ERLEC1: variants seen among roughly 807,000 people sequenced by gnomAD.
The protein encoded by ERLEC1 is ER lectin.
ERLEC1 carries 47 observed loss-of-function variants against 68.0 expected under a neutral mutation model. That is an observed-to-expected ratio of 0.69 (90% CI 0.55 to 0.88). ERLEC1 has a LOEUF of 0.88. Among genes scored for constraint, ERLEC1 ranks in the 40% least tolerant of loss-of-function variants. The pLI is 0.00. For synonymous variants in ERLEC1, 225 were observed against 203.2 expected, an observed-to-expected ratio of 1.11 and a Z score of -0.91; for missense variants, 567 against 583.8, an observed-to-expected ratio of 0.97 and a Z score of 0.30.
At chr2:53,813,150 T>C in intron 11 of ERLEC1, 77 bp downstream of exon 11, 1 of 1,532,450 alleles carries the variant, frequency 6.5e-7, no homozygotes, top group Non-Finnish European at 8.8e-7. Context: ...AACATAAAAA[T>C]TCAAACATTT....
intron 3 of ERLEC1, among the ~76,000 whole-genome samples, chr2:53,796,718 A>G (rs1318364310): frequency 6.6e-6 from 1 of 152,070 alleles, no homozygotes; most frequent in Non-Finnish European, 1.5e-5. Context: ...TTAAAGTGCT[A>G]GAATTACAGG....
intron 9 of ERLEC1, among the ~76,000 whole-genome samples, chr2:53,808,749 A>G (rs1260276910): frequency 6.6e-6 from 1 of 152,130 alleles, no homozygotes; most frequent in East Asian, 1.9e-4. Context: ...TATATCCCAC[A>G]TTTTGGTTAT....
At chr2:53,796,707 T>C (rs1312439762) in intron 3 of ERLEC1, among the ~76,000 whole-genome samples, 1 of 151,984 alleles carries the variant, frequency 6.6e-6, no homozygotes, top group East Asian at 1.9e-4. Context: ...GCCTCAGCCT[T>C]TTAAAGTGCT....
chr2:53,809,882 C>T (rs12620190), intron 10 of ERLEC1, among the ~76,000 whole-genome samples: 11,671 of 152,010 alleles, frequency 0.077, 479 homozygotes, highest in East Asian at 0.13. Flanking sequence ...ATGGTGAAAA[C>T]CCGTCTCTAC....
At chr2:53,790,066 C>T (rs931085999) in intron 1 of ERLEC1, among the ~76,000 whole-genome samples, 17 of 151,276 alleles carry the variant, frequency 1.1e-4, no homozygotes, top group South Asian at 1.0e-3. Context: ...CCTCACCTGG[C>T]GCTGCCATTT....
intron 6 of ERLEC1, 132 bp downstream of exon 6, chr2:53,799,213 T>C: frequency 1.4e-6 from 1 of 724,496 alleles, no homozygotes; most frequent in Non-Finnish European, 2.2e-6. Context: ...AAGGACTGGG[T>C]CAAAGAATCT....
intron 6 of ERLEC1, 51 bp from the exon 7 acceptor site, chr2:53,801,346 T>A: frequency 7.2e-7 from 1 of 1,386,426 alleles, no homozygotes; most frequent in Non-Finnish European, 1.0e-6. Flanking sequence ...CCACCCCCAG[T>A]CCCATCTCCA....
chr2:53,802,282 TTAA>T (rs1376132902), intron 8 of ERLEC1, among the ~76,000 whole-genome samples: 1 of 152,216 alleles, frequency 6.6e-6, no homozygotes, highest in Non-Finnish European at 1.5e-5. Context: ...ATATACATTT[TTAA>T]TAATCTCACA....
intron 8 of ERLEC1, among the ~76,000 whole-genome samples, chr2:53,807,524 A>G (rs1449079631): frequency 6.6e-6 from 1 of 151,746 alleles, no homozygotes; most frequent in East Asian, 1.9e-4. Flanking sequence ...TCATGCCTCA[A>G]CCTCCCGAGT....
At position 53,787,363 on chromosome 2, in the gene ERLEC1, G is replaced by C. The variant is rs780340155; in HGVS notation, c.153G>C (p.Glu51Asp). 2 of 1,610,874 alleles carry C rather than the reference G, an allele frequency of 1.2e-6. No homozygotes were observed. Among genetic ancestry groups the C allele is most frequent in the Non-Finnish European group, 1.7e-6 (2 of 1,179,300 alleles). The stretch of plus-strand genomic sequence containing the variant: ...TCCGAGTCAACTGGCCCGGCACCGA[G>C]TTCTCTCTGGTCAGTGCCCTCACTA... ...IPFRVNWPGT[E>D]FSLPTTGVLY... The change falls in exon 1 of 14, where the codon GAG becomes GAC. Residue 51 changes from glutamate to aspartate, a missense_variant. Glu to Asp is a conservative substitution (Grantham distance 45). Coordinates refer to ENST00000185150, the MANE Select transcript of ERLEC1 (RefSeq NM_015701.5).
intron 8 of ERLEC1, among the ~76,000 whole-genome samples, chr2:53,803,254 C>T (rs767899638): frequency 2.0e-4 from 30 of 152,292 alleles, no homozygotes; most frequent in African/African-American, 7.2e-4. Flanking sequence ...CATGTTGTGA[C>T]CAACACTGTC....
At chr2:53,793,758 T>C (rs1210855878) in intron 1 of ERLEC1, among the ~76,000 whole-genome samples, 1 of 152,202 alleles carries the variant, frequency 6.6e-6, no homozygotes, top group Non-Finnish European at 1.5e-5. Flanking sequence ...CTTTTTTCTT[T>C]ATACTCCAAA....
chr2:53,814,335 A>G (rs1676747760), intron 11 of ERLEC1, among the ~76,000 whole-genome samples: 1 of 152,238 alleles, frequency 6.6e-6, no homozygotes, highest in South Asian at 2.1e-4. Flanking sequence ...GCCAGTATGA[A>G]GTATCTCTTA....
intron 3 of ERLEC1, among the ~76,000 whole-genome samples, chr2:53,796,701 C>T (rs548654901): frequency 6.6e-6 from 1 of 152,170 alleles, no homozygotes; most frequent in East Asian, 1.9e-4. Flanking sequence ...CCACCCGCCT[C>T]AGCCTTTTAA....
intron 8 of ERLEC1, among the ~76,000 whole-genome samples, chr2:53,802,452 T>C (rs1306324018): frequency 6.6e-6 from 1 of 152,248 alleles, no homozygotes; most frequent in Non-Finnish European, 1.5e-5. Context: ...TGTTATCTTC[T>C]AAAGGCTTTT....
intron 1 of ERLEC1, among the ~76,000 whole-genome samples, chr2:53,792,306 C>T (rs765508475): frequency 5.9e-5 from 9 of 151,542 alleles, no homozygotes; most frequent in Non-Finnish European, 1.2e-4. Flanking sequence ...TACAGGTGCA[C>T]ATCTTACTTA....
chr2:53,789,318 C>T lies in ERLEC1; in HGVS notation c.162+1946C>T, dbSNP rs1393880531. On this transcript the variant is annotated intron_variant, in intron 1 of 13. Transcript: ENST00000185150. ...CCGAGGCAGGAGAATCGCTTAAACC[C>T]GGGAGGTGGAGGTTGCACTGAGCCA... Among the ~76,000 whole-genome samples the T allele has an allele frequency of 3.4e-5, 5 of 147,714 alleles. No homozygotes were observed. The East Asian group carries it at 6.0e-4, about 18-fold the overall frequency.
chr2:53,815,000 T>TC, intron 13 of ERLEC1, 65 bp downstream of exon 13: 2 of 903,634 alleles, frequency 2.2e-6, no homozygotes, highest in Admixed American at 5.6e-5. Context: ...TTTTTCTTTT[T>TC]TTTTTTTTTT....
intron 1 of ERLEC1, among the ~76,000 whole-genome samples, chr2:53,790,150 A>G (rs1430074241): frequency 6.6e-6 from 1 of 151,354 alleles, no homozygotes; most frequent in Non-Finnish European, 1.5e-5. Flanking sequence ...CTAGAGTACA[A>G]TGGCGCCATC....
Sources: allele counts gnomAD v4.1 joint callset (sites outside exome capture counted in the v4.1 genomes callset), GRCh38; gene constraint gnomAD v4.1.1; transcripts MANE v1.5; gene names NCBI Gene and HGNC (gene_info 2026-07-23, HGNC 2026-07-21).